Variants in FUT8 observed in about 807,000 individuals in gnomAD.
FUT8 encodes the protein fucosyltransferase 8.
A neutral mutation model predicts 71.3 loss-of-function variants in FUT8; 29 were observed. The ratio of observed to expected loss-of-function variants is 0.41; its 90% CI spans 0.30 to 0.55. The LOEUF is 0.55. Among genes scored for constraint, FUT8 ranks in the 20% least tolerant of loss-of-function variants. The probability of loss-of-function intolerance (pLI) is 0.34; values close to 1 mark genes in which losing one functional copy is unlikely to be tolerated. For missense variants in FUT8, 544 were observed against 702.1 expected (o/e 0.77, Z 2.55); for synonymous variants, 254 against 239.3 (o/e 1.06, Z -0.57).
chr14:65,651,063 T>A (rs1891383555), intron 6 of FUT8, among the ~76,000 whole-genome samples: 1 of 152,126 alleles, frequency 6.6e-6, no homozygotes, highest in African/African-American at 2.4e-5. Context: ...CAATAACAAG[T>A]TTGCAGCCCT....
At chr14:65,396,207 T>G in the FUT8 span, among the ~76,000 whole-genome samples, 1 of 152,316 alleles carries the variant, frequency 6.6e-6, no homozygotes, top group African/African-American at 2.4e-5. This position sits in a 1 kb window ranked among gnomAD's most constrained non-coding sequence, Gnocchi z 5.5. Flanking sequence ...TCCAAACTGT[T>G]CCAACCTCTG....
chr14:65,683,720 G>T (rs1365754630), intron 7 of FUT8, among the ~76,000 whole-genome samples: 1 of 151,998 alleles, frequency 6.6e-6, no homozygotes, highest in Non-Finnish European at 1.5e-5. Context: ...AAATATTCCA[G>T]ACACCAAAAA....
At chr14:65,426,782 G>A (rs538391728) in intron 1 of FUT8, among the ~76,000 whole-genome samples, 3 of 152,268 alleles carry the variant, frequency 2.0e-5, no homozygotes, top group East Asian at 3.9e-4. Context: ...AACTCCAACA[G>A]GATTGTCTTA....
chr14:65,442,327 C>T (rs1236935673), intron 1 of FUT8, among the ~76,000 whole-genome samples: 1 of 151,896 alleles, frequency 6.6e-6, no homozygotes, highest in Non-Finnish European at 1.5e-5. Context: ...AAGCATGTGC[C>T]ACCACACCCA....
the FUT8 span, among the ~76,000 whole-genome samples, chr14:65,391,681 T>A: frequency 2.0e-5 from 3 of 151,218 alleles, no homozygotes; most frequent in African/African-American, 7.3e-5. Context: ...AGAGATGGGG[T>A]TTCACCATGT....
At chr14:65,558,262 G>T (rs1397639484) in intron 2 of FUT8, among the ~76,000 whole-genome samples, 1 of 151,204 alleles carries the variant, frequency 6.6e-6, no homozygotes, top group Admixed American at 6.6e-5. Context: ...AACCCTGGAG[G>T]TGGAAGTTGT....
chr14:65,366,092 G>A, the FUT8 span, among the ~76,000 whole-genome samples: 1 of 152,090 alleles, frequency 6.6e-6, no homozygotes, highest in South Asian at 2.1e-4. Context: ...ACCCTCTCTT[G>A]GGGTCTGGAT....
intron 2 of FUT8, among the ~76,000 whole-genome samples, chr14:65,554,051 G>C (rs935791448): frequency 6.6e-6 from 1 of 151,428 alleles, no homozygotes; most frequent in East Asian, 1.9e-4. Context: ...CTAGATCATT[G>C]GATATTATAC....
intron 2 of FUT8, among the ~76,000 whole-genome samples, chr14:65,477,859 CTTT>C (rs79007912): frequency 3.5e-5 from 5 of 143,120 alleles, no homozygotes; most frequent in Non-Finnish European, 1.5e-5. Context: ...TTTGTGATGT[CTTT>C]TTTTTTTTTT....
chr14:65,502,819 A>G (rs1010721232), intron 2 of FUT8, among the ~76,000 whole-genome samples: 8 of 152,204 alleles, frequency 5.3e-5, no homozygotes, highest in African/African-American at 1.9e-4. Context: ...TTTAATGTGT[A>G]TATGAATCAG....
rs200882761 is a variant in FUT8, at chr14:65,476,637, A to ATTT, written c.-228+20951_-228+20953dup. Among the ~76,000 whole-genome samples the ATTT allele has an allele frequency of 4.6e-4, 57 of 125,098 alleles. 1 individual carries two copies. The highest frequency in any genetic ancestry group is 7.3e-4 in the South Asian group (3 of 4,096). 82.1% of individuals were successfully genotyped at this position (125,098 alleles called of 152,430 possible). A position where few individuals can be genotyped will look rare whatever the true frequency, so the allele number is the denominator to read the frequency against. ...TCAAGTGGTAGAGTTAAAGAAGTAG[A>ATTT]TTTTTTTTTTTTTTTTTTTTTTTTT... On this transcript the variant is annotated intron_variant, in intron 2 of 10. Transcript: ENST00000673929.
chr14:65,448,103 A>C (rs999514013), intron 1 of FUT8, among the ~76,000 whole-genome samples: 32 of 152,192 alleles, frequency 2.1e-4, no homozygotes, highest in African/African-American at 7.5e-4. Flanking sequence ...CTATCTCTTT[A>C]TCTTACCTAG....
chr14:65,635,662 C>A (rs1372146980), intron 6 of FUT8, among the ~76,000 whole-genome samples: 1 of 152,146 alleles, frequency 6.6e-6, no homozygotes, highest in East Asian at 1.9e-4. Flanking sequence ...ATTAAACCAT[C>A]CCTGCATCCC....
chr14:65,712,383 A>G (rs1033176849), intron 7 of FUT8, among the ~76,000 whole-genome samples: 2 of 152,226 alleles, frequency 1.3e-5, no homozygotes, highest in East Asian at 3.8e-4. Flanking sequence ...GTTCAAGGTA[A>G]AAAGCAATAC....
At chr14:65,675,470 T>C (rs1892668309) in intron 7 of FUT8, among the ~76,000 whole-genome samples, 1 of 152,128 alleles carries the variant, frequency 6.6e-6, no homozygotes, top group Admixed American at 6.5e-5. Flanking sequence ...CTCCAGCCCA[T>C]TGATTGAGGC....
chr14:65,517,487 T>A (rs1166029234), intron 2 of FUT8, among the ~76,000 whole-genome samples: 1 of 152,174 alleles, frequency 6.6e-6, no homozygotes, highest in Non-Finnish European at 1.5e-5. Flanking sequence ...CAAACCAGCA[T>A]CGTTTCTTGC....
At chr14:65,365,942 A>G in the FUT8 span, among the ~76,000 whole-genome samples, 2 of 152,126 alleles carry the variant, frequency 1.3e-5, no homozygotes, top group South Asian at 2.1e-4. Context: ...GGTTCAAGCA[A>G]TTCTCCTGCC....
chr14:65,591,804 C>T (rs1887702278), intron 3 of FUT8, among the ~76,000 whole-genome samples: 1 of 148,786 alleles, frequency 6.7e-6, no homozygotes, highest in African/African-American at 2.5e-5. Flanking sequence ...GCATGTAAAC[C>T]AAGAGAAATG....
At chr14:65,392,932 G>C in the FUT8 span, among the ~76,000 whole-genome samples, 27 of 152,300 alleles carry the variant, frequency 1.8e-4, no homozygotes, top group East Asian at 5.2e-3. Flanking sequence ...GCGATACCTG[G>C]GGCGTACTGA....
Sources: allele counts gnomAD v4.1 joint callset (sites outside exome capture counted in the v4.1 genomes callset), GRCh38; gene constraint gnomAD v4.1.1; non-coding constraint Gnocchi (gnomAD v3.1); transcripts MANE v1.5; gene names NCBI Gene and HGNC (gene_info 2026-07-23, HGNC 2026-07-21).